NLN: variants seen among roughly 807,000 people sequenced by gnomAD.
NLN encodes neurolysin, mitochondrial.
NLN carries 64 observed loss-of-function variants against 79.9 expected under a neutral mutation model. That is an observed-to-expected ratio of 0.80 (90% CI 0.65 to 0.99). The LOEUF (loss-of-function observed/expected upper bound fraction) is 0.99. NLN is among the 50% of genes least tolerant of loss of function. The probability of loss-of-function intolerance (pLI) is 0.00; values close to 1 mark genes in which losing one functional copy is unlikely to be tolerated. For synonymous variants in NLN, 267 were observed against 296.6 expected (o/e 0.90, Z 1.02); for missense variants, 835 against 858.7 (o/e 0.97, Z 0.34).
At chr5:65,724,633 A>G (rs1032738236) in intron 1 of NLN, among the ~76,000 whole-genome samples, 1 of 152,022 alleles carries the variant, frequency 6.6e-6, no homozygotes, top group African/African-American at 2.4e-5. Flanking sequence ...GAGTCATAGG[A>G]TAGTACTATG....
intron 1 of NLN, among the ~76,000 whole-genome samples, chr5:65,726,199 G>A (rs1758466630): frequency 6.6e-6 from 1 of 152,046 alleles, no homozygotes; most frequent in Non-Finnish European, 1.5e-5. Flanking sequence ...TTTGATTTGG[G>A]CAACCAAATC....
chr5:65,723,901 G>C (rs1228344837), intron 1 of NLN, among the ~76,000 whole-genome samples: 1 of 147,772 alleles, frequency 6.8e-6, no homozygotes, highest in Non-Finnish European at 1.5e-5. Flanking sequence ...GTGGACCTAA[G>C]AGCTTCTGTT....
At chr5:65,745,198 C>T (rs1330246558) in intron 1 of NLN, among the ~76,000 whole-genome samples, 2 of 152,152 alleles carry the variant, frequency 1.3e-5, no homozygotes, top group African/African-American at 2.4e-5. Context: ...ACAGCCCCTG[C>T]AGCAATCTCT....
At chr5:65,739,552 A>G (rs1244602293) in intron 1 of NLN, among the ~76,000 whole-genome samples, 3 of 152,150 alleles carry the variant, frequency 2.0e-5, no homozygotes, top group African/African-American at 4.8e-5. Flanking sequence ...GTTGGATTGT[A>G]TAGTAGTTCT....
chr5:65,768,925 G>A (rs956483816), intron 3 of NLN, among the ~76,000 whole-genome samples: 5 of 152,236 alleles, frequency 3.3e-5, no homozygotes, highest in Non-Finnish European at 7.3e-5. Flanking sequence ...ATTGGGGATA[G>A]GGCTTCTACA....
intron 3 of NLN, among the ~76,000 whole-genome samples, chr5:65,764,566 T>G (rs1038262240): frequency 8.5e-5 from 13 of 152,234 alleles, no homozygotes; most frequent in Non-Finnish European, 1.8e-4. Flanking sequence ...GTTTTGGGAT[T>G]GATCCCACTA....
At chr5:65,752,969 G>C (rs1046492765) in intron 1 of NLN, among the ~76,000 whole-genome samples, 2 of 152,116 alleles carry the variant, frequency 1.3e-5, no homozygotes, top group African/African-American at 4.8e-5. Flanking sequence ...AGCCCTTCCA[G>C]GTTCAGGGAA....
intron 2 of NLN, among the ~76,000 whole-genome samples, chr5:65,760,529 T>G (rs529452122): frequency 2.4e-4 from 36 of 152,312 alleles, no homozygotes; most frequent in Non-Finnish European, 4.9e-4. Flanking sequence ...ACTTAGGCAT[T>G]TGAGACAAAG....
intron 1 of NLN, among the ~76,000 whole-genome samples, chr5:65,725,944 C>T (rs1206017794): frequency 6.6e-6 from 1 of 152,060 alleles, no homozygotes; most frequent in Admixed American, 6.6e-5. Flanking sequence ...AACCCTGTCT[C>T]TACTGAAAAT....
At chr5:65,809,874 G>A (rs1198916811) in intron 10 of NLN, among the ~76,000 whole-genome samples, 163 bp from the exon 11 acceptor site, 2 of 152,028 alleles carry the variant, frequency 1.3e-5, no homozygotes, top group African/African-American at 4.8e-5. Flanking sequence ...TTTTGTCTGA[G>A]GCAAAAAACC....
intron 1 of NLN, among the ~76,000 whole-genome samples, chr5:65,723,740 G>A (rs1425490567): frequency 4.1e-5 from 6 of 146,204 alleles, no homozygotes; most frequent in Admixed American, 1.4e-4. Context: ...GCATGAACCC[G>A]GGAGGCGAAG....
chr5:65,779,354 A>G (rs1759748699), intron 4 of NLN, among the ~76,000 whole-genome samples: 1 of 152,012 alleles, frequency 6.6e-6, no homozygotes, highest in South Asian at 2.1e-4. Flanking sequence ...GATTAATAAA[A>G]TTGTATCTTT....
chr5:65,772,987 C>T (rs1759602410), intron 3 of NLN, among the ~76,000 whole-genome samples: 4 of 150,898 alleles, frequency 2.7e-5, no homozygotes, highest in African/African-American at 9.7e-5. Flanking sequence ...GGGTCTCACG[C>T]TGTCACCTTG....
At chr5:65,776,990 G>A (rs1274127044) in intron 3 of NLN, among the ~76,000 whole-genome samples, 1 of 152,180 alleles carries the variant, frequency 6.6e-6, no homozygotes, top group Non-Finnish European at 1.5e-5. Context: ...CTCTGCATTT[G>A]TGTAGAATTT....
At position 65,824,401 on chromosome 5, in the gene NLN, C is replaced by T. The variant is rs940532715; in HGVS notation, c.*1486C>T. 1.3e-5 allele frequency: 2 copies of T among 151,976 alleles called. No individual in the cohort carries two copies. Among genetic ancestry groups the T allele is most frequent in the African/African-American group, 2.4e-5 (1 of 41,278 alleles). 9.4% of individuals were successfully genotyped at this position (151,976 alleles called of 1,614,324 possible). On this transcript the variant is annotated 3_prime_UTR_variant, in exon 13 of 13. Coordinates refer to ENST00000380985, the MANE Select transcript of NLN (RefSeq NM_020726.5). ...ACATCCACCTGAAATCCTACTACCC[C>T]CTCTTCTGAGATAATTTGCCCAGCC...
chr5:65,819,338 A>C (rs758835858), intron 12 of NLN, among the ~76,000 whole-genome samples: 2 of 152,164 alleles, frequency 1.3e-5, no homozygotes, highest in Admixed American at 1.3e-4. Context: ...GAGCAAACAG[A>C]ATACTGAAAT....
rs1445560186 is a variant in NLN, at chr5:65,827,648, A to G, written c.*4733A>G. On this transcript the variant is annotated 3_prime_UTR_variant, in exon 13 of 13. Transcript: ENST00000380985. Reference sequence around the variant, plus strand: ...AAGTCATTTGGCTAAAAATGAAAAAAAAGTCCCATAAAAAGGTATCAAATG... The same window carrying G: ...AAGTCATTTGGCTAAAAATGAAAAAGAAGTCCCATAAAAAGGTATCAAATG... 1.3e-5 allele frequency: 2 copies of G among 152,246 alleles called. No homozygotes were observed. Among genetic ancestry groups the G allele is most frequent in the South Asian group, 2.1e-4 (1 of 4,828 alleles). 9.4% of individuals were successfully genotyped at this position (152,246 alleles called of 1,614,324 possible). A position where few individuals can be genotyped will look rare whatever the true frequency, so the allele number is the denominator to read the frequency against.
In NLN at chr5:65,780,426, AC is replaced by A. The variant is rs1579945066; in HGVS notation, c.661+149del. The stretch of plus-strand genomic sequence containing the variant: ...AAATGATCCAGTACCTAAGTCCACC[AC>A]CCCTTCTACAGAAGAGACAATCAAA... On this transcript the variant is annotated intron_variant, in intron 5 of 12. Coordinates refer to ENST00000380985, the MANE Select transcript of NLN (RefSeq NM_020726.5). 1.2e-5 allele frequency: 6 copies of A among 514,214 alleles called. No individual in the cohort carries two copies. The East Asian group carries it at 2.1e-4, about 18-fold the overall frequency. 31.9% of individuals were successfully genotyped at this position (514,214 alleles called of 1,614,324 possible).
chr5:65,785,151 C>G (rs1373707806), intron 6 of NLN, among the ~76,000 whole-genome samples: 1 of 152,114 alleles, frequency 6.6e-6, no homozygotes, highest in Admixed American at 6.5e-5. Context: ...ATAGATCTCT[C>G]TTCGAGTCTC....
Sources: allele counts gnomAD v4.1 joint callset (sites outside exome capture counted in the v4.1 genomes callset), GRCh38; gene constraint gnomAD v4.1.1; transcripts MANE v1.5; gene names NCBI Gene and HGNC (gene_info 2026-07-23, HGNC 2026-07-21).